The following TBC1D24 variants were observed in gnomAD, a reference collection of about 807,000 sequenced individuals.
TBC1D24 encodes Infantile myoclonic epilepsy.
In TBC1D24, 47 loss-of-function variants were observed where a neutral mutation model predicts 50.7. That is an observed-to-expected ratio of 0.93 (90% confidence interval 0.73 to 1.18). The LOEUF (loss-of-function observed/expected upper bound fraction) is 1.18, where lower values mean the gene tolerates loss of function less well. Among genes scored for constraint, TBC1D24 ranks in the 50% most tolerant of loss-of-function variants. The pLI is 0.00. For synonymous variants in TBC1D24, 324 were observed against 335.2 expected (o/e 0.97, Z 0.36); for missense variants, 688 against 766.5 (o/e 0.90, Z 1.21).
At chr16:2,498,086 C>A in intron 3 of TBC1D24, 152 bp from the exon 4 acceptor site, 1 of 995,154 alleles carries the variant, frequency 1.0e-6, no homozygotes, top group Non-Finnish European at 1.5e-6. Context: ...CCCCGTTGGG[C>A]ACCTAGAACC....
intron 1 of TBC1D24, among the ~76,000 whole-genome samples, chr16:2,493,873 C>T (rs2065716365): frequency 6.6e-6 from 1 of 152,226 alleles, no homozygotes; most frequent in Admixed American, 6.5e-5. Flanking sequence ...ACCAACCACC[C>T]CCACTTGACT....
At position 2,505,401 on chromosome 16, in the gene TBC1D24, T is replaced by C. The variant is rs2141883664; in HGVS notation, c.*4443T>C. On this transcript the variant is annotated 3_prime_UTR_variant, in exon 8 of 8. Transcript: ENST00000646147. ...CAGTGGATACCGTGTCCTGTAGACATGTCACTTGTGATAAGGCACGGACAA... is the reference window on the plus strand; with the variant it reads ...CAGTGGATACCGTGTCCTGTAGACACGTCACTTGTGATAAGGCACGGACAA... The C allele has an allele frequency of 6.6e-6, 1 of 152,360 alleles. No individual in the cohort carries two copies. Among genetic ancestry groups the C allele is most frequent in the Admixed American group, 6.5e-5 (1 of 15,304 alleles). The allele number at this position is 152,360 out of a possible 1,614,324, so 9.4% of individuals were successfully genotyped here.
rs2065814584 is a variant in TBC1D24 at position 2,503,922 on chromosome 16, AAAC to A, written c.*2970_*2972del. 6.6e-6 allele frequency: 1 copy of A among 152,172 alleles called. No homozygotes were observed. The highest frequency in any genetic ancestry group is 1.5e-5 in the Non-Finnish European group (1 of 68,028). 9.4% of individuals were successfully genotyped at this position (152,172 alleles called of 1,614,324 possible). ...AATAAATGTTTAACATTTATTTTTA[AAAC>A]AACAATTGCACCTAATTTAAAATAG... On this transcript the variant is annotated 3_prime_UTR_variant, in exon 8 of 8. Transcript: ENST00000646147.
chr16:2,495,733 C>T (rs2065731123), intron 1 of TBC1D24, among the ~76,000 whole-genome samples: 1 of 151,750 alleles, frequency 6.6e-6, no homozygotes, highest in South Asian at 2.1e-4. Flanking sequence ...GAGTGGAGAT[C>T]GTGACACTGT....
chr16:2,500,885 A>G lies in TBC1D24; in HGVS notation c.1607A>G (p.Gln536Arg). 1 of 1,613,212 alleles carries G rather than the reference A, an allele frequency of 6.2e-7. No individual in the cohort carries two copies. Among genetic ancestry groups the G allele is most frequent in the Non-Finnish European group, 8.5e-7 (1 of 1,179,956 alleles). ...AGCCACTGCGACACCTTCAACAACC[A>G]GCCCCTCTGCTCCGAGAACTTCCTC... ...RTSHCDTFNN[Q>R]PLCSENFLIA... The change falls in exon 8 of 8, where the codon CAG (glutamine) becomes CGG (arginine). Residue 536 changes from glutamine to arginine, a missense_variant. Transcript: ENST00000646147. The surrounding 1 kb of genome is among the most constrained non-coding windows in gnomAD (Gnocchi z 8.0).
chr16:2,478,297 C>T (rs2065584319), intron 1 of TBC1D24: 1 of 152,190 alleles, frequency 6.6e-6, no homozygotes, highest in East Asian at 1.9e-4. Context: ...CCCTGGTCAA[C>T]TCTGTTTCAG....
intron 1 of TBC1D24, among the ~76,000 whole-genome samples, chr16:2,494,904 G>T (rs1715776001): frequency 6.6e-6 from 1 of 151,910 alleles, no homozygotes; most frequent in Non-Finnish European, 1.5e-5. Flanking sequence ...AAATAATGTG[G>T]CTGCGCAACG....
chr16:2,476,449 C>T (rs1261127431), intron 1 of TBC1D24: 3 of 152,230 alleles, frequency 2.0e-5, no homozygotes, highest in East Asian at 1.9e-4. Context: ...GAAAATCTTA[C>T]GAAGATTTTA....
In TBC1D24 at chr16:2,502,428, T is replaced by C. The variant is rs1194696400; in HGVS notation, c.*1470T>C. The C allele has an allele frequency of 6.6e-6, 1 of 150,812 alleles. No homozygotes were observed. 9.3% of individuals were successfully genotyped at this position (150,812 alleles called of 1,614,324 possible). A position where few individuals can be genotyped will look rare whatever the true frequency, so the allele number is the denominator to read the frequency against. Reference sequence around the variant, plus strand: ...GTCCTGCCCCCACCCCCGTCCCTGCTGGCCTCCAGCCAGTGCCACTTGGAG... The same window carrying C: ...GTCCTGCCCCCACCCCCGTCCCTGCCGGCCTCCAGCCAGTGCCACTTGGAG... On this transcript the variant is annotated 3_prime_UTR_variant, in exon 8 of 8. Transcript: ENST00000646147.
rs1413898248 is a variant in TBC1D24, at chr16:2,487,104, G to A, written c.-115-8930G>A. Reference sequence around the variant, plus strand: ...TAGCGCATCCCAGCCCCTCAGCACTGCCAGGGCCGCCCAGCTCGCCTTCGC... The same window carrying A: ...TAGCGCATCCCAGCCCCTCAGCACTACCAGGGCCGCCCAGCTCGCCTTCGC... On this transcript the variant is annotated intron_variant, in intron 1 of 7. Coordinates refer to ENST00000646147, the MANE Select transcript of TBC1D24 (RefSeq NM_001199107.2). The surrounding 1 kb of genome is among the most constrained non-coding windows in gnomAD (Gnocchi z 4.1). 6.6e-6 allele frequency among the ~76,000 whole-genome samples: 1 copy of A among 152,220 alleles called. No homozygotes were observed. Among genetic ancestry groups the A allele is most frequent in the Non-Finnish European group, 1.5e-5 (1 of 68,038 alleles).
intron 3 of TBC1D24, 60 bp from the exon 4 acceptor site, chr16:2,498,178 G>C: frequency 1.3e-6 from 2 of 1,544,148 alleles, no homozygotes; most frequent in South Asian, 1.2e-5. Context: ...GCATACCTCG[G>C]GGGGCATGGC....
Position 2,497,945 on chromosome 16 carries a change from C to A in TBC1D24, c.983+218C>A, listed in dbSNP as rs544887353. On this transcript the variant is annotated intron_variant, in intron 3 of 7. Transcript: ENST00000646147. ...TGCTATCTGCTGGTGTTTGGCTCACCCTGAAGCCTTGTCTTGCCAGAGCAG... is the reference window on the plus strand; with the variant it reads ...TGCTATCTGCTGGTGTTTGGCTCACACTGAAGCCTTGTCTTGCCAGAGCAG... Among the ~76,000 whole-genome samples, 28 of 152,290 alleles carry A rather than the reference C, an allele frequency of 1.8e-4. No homozygotes were observed. The South Asian group carries it at 5.6e-3, about 30-fold the overall frequency.
In TBC1D24 at chr16:2,487,358, C is replaced by T. The variant is rs1032817879; in HGVS notation, c.-115-8676C>T. ...AACTGCAGGACGAGGGAGCCGCGGT[C>T]GTATGCTGCCTCCTCACGTTTGCTG... On this transcript the variant is annotated intron_variant, in intron 1 of 7. Transcript: ENST00000646147. The surrounding 1 kb of genome is among the most constrained non-coding windows in gnomAD (Gnocchi z 4.1). Among the ~76,000 whole-genome samples, 3 of 152,202 alleles carry T rather than the reference C, an allele frequency of 2.0e-5. No individual in the cohort carries two copies. Among genetic ancestry groups the T allele is most frequent in the Non-Finnish European group, 2.9e-5 (2 of 68,042 alleles).
At chr16:2,497,575 G>A (rs954746812) in intron 2 of TBC1D24, 135 bp from the exon 3 acceptor site, 28 of 850,400 alleles carry the variant, frequency 3.3e-5, no homozygotes, top group Admixed American at 2.4e-4. Context: ...ATGGTGCCAC[G>A]CTGCGGCCTG....
In TBC1D24 at chr16:2,500,281, T is replaced by A; in HGVS notation, c.1316T>A (p.Val439Glu). The A allele has an allele frequency of 6.2e-7, 1 of 1,606,104 alleles. No homozygotes were observed. Among genetic ancestry groups the A allele is most frequent in the Non-Finnish European group, 8.5e-7 (1 of 1,177,206 alleles). ...ECFVFRLQPE[V>E]QRYEWVVIKH... ...CTTCCACCCCAGCTGCAGCCTGAGG[T>A]GCAGCGCTACGAGTGGGTGGTGATC... The change falls in exon 7 of 8, where the codon GTG becomes GAG. Residue 439 changes from valine (V) to glutamate (E), a missense_variant. By Grantham distance (121) the Val-to-Glu change is moderately radical (BLOSUM62 -2). Coordinates refer to ENST00000646147, the MANE Select transcript of TBC1D24 (RefSeq NM_001199107.2). This position sits in a 1 kb window ranked among gnomAD's most constrained non-coding sequence, Gnocchi z 8.0.
In TBC1D24 at chr16:2,500,414, G is replaced by T; in HGVS notation, c.1449G>T (p.Leu483=). The change falls in exon 7 of 8, where the codon CTG becomes CTT. Residue 483 remains leucine (L), a synonymous_variant. Transcript: ENST00000646147. The surrounding 1 kb of genome is among the most constrained non-coding windows in gnomAD (Gnocchi z 8.0). ...SDPADRLSPF[L]AARHFNLPSK... is the part of the protein sequence containing the mutation. ...CCGCTGACCGCCTCTCGCCCTTCCT[G>T]GCCGCTCGCCACTTCAACCTGCCCT... 1 of 1,602,696 alleles carries T rather than the reference G, an allele frequency of 6.2e-7. No individual in the cohort carries two copies. The highest frequency in any genetic ancestry group is 8.5e-7 in the Non-Finnish European group (1 of 1,175,288).
At position 2,500,251 on chromosome 16, in the gene TBC1D24, C is replaced by T. The variant is rs2065780208; in HGVS notation, c.1303-17C>T. ...CGAACGCCCGCGCCAGCTCCTCACA[C>T]TCCCCTTCCACCCCAGCTGCAGCCT... On this transcript the variant is annotated splice_polypyrimidine_tract_variant and intron_variant, in intron 6 of 7. Coordinates refer to ENST00000646147, the MANE Select transcript of TBC1D24 (RefSeq NM_001199107.2). The surrounding 1 kb of genome is among the most constrained non-coding windows in gnomAD (Gnocchi z 8.0). The T allele has an allele frequency of 6.3e-7, 1 of 1,585,420 alleles. No individual in the cohort carries two copies. The highest frequency in any genetic ancestry group is 1.4e-5 in the African/African-American group (1 of 73,936).
intron 1 of TBC1D24, among the ~76,000 whole-genome samples, chr16:2,490,918 C>T (rs925022674): frequency 5.3e-5 from 8 of 152,166 alleles, no homozygotes; most frequent in Non-Finnish European, 1.0e-4. Flanking sequence ...TTGTTTGCTG[C>T]GTAGGAGCAG....
rs760591932 is a variant in TBC1D24, at chr16:2,496,968, A to G, written c.820A>G (p.Arg274Gly). 8.1e-6 allele frequency: 13 copies of G among 1,613,904 alleles called. No homozygotes were observed. In the Admixed American group the frequency reaches 1.3e-4, roughly 17 times the overall value. Reference protein sequence around the residue: ...SVKQDIRTFVRDIAKTVSPEK... With the variant: ...SVKQDIRTFVGDIAKTVSPEK... Reference sequence around the variant, plus strand: ...GAAGCAGGACATCCGCACGTTCGTCAGAGACATCGCGAAGACGGTGTCCCC... The same window carrying G: ...GAAGCAGGACATCCGCACGTTCGTCGGAGACATCGCGAAGACGGTGTCCCC... Residue 274 changes from arginine (R) to glycine (G), a missense_variant, in exon 2 of 8, where the codon AGA becomes GGA. By Grantham distance (125) the Arg-to-Gly change is moderately radical. Transcript: ENST00000646147.
Sources: gnomAD v4.1 joint callset for allele counts (sites outside exome capture counted in the v4.1 genomes callset) on GRCh38, gnomAD v4.1.1 for gene constraint, Gnocchi (gnomAD v3.1) non-coding constraint, MANE v1.5 for transcripts, NCBI Gene and HGNC (gene_info 2026-07-23, HGNC 2026-07-21) for gene names.